The following GLDC variants were observed in gnomAD, a reference collection of about 807,000 sequenced individuals.
GLDC encodes glycine dehydrogenase (decarboxylating), mitochondrial.
In GLDC, 104 loss-of-function variants were observed where a neutral mutation model predicts 121.3. The ratio of observed to expected loss-of-function variants is 0.86; its 90% confidence interval spans 0.73 to 1.01. The LOEUF is 1.01. Ranked by LOEUF, GLDC falls within the 50% of genes least tolerant of loss-of-function variation. The probability of loss-of-function intolerance (pLI) is 0.00; values close to 1 mark genes in which losing one functional copy is unlikely to be tolerated. For synonymous variants in GLDC, 546 were observed against 480.6 expected, an observed-to-expected ratio of 1.14 and a Z score of -1.78; for missense variants, 1,429 against 1,306.6, an observed-to-expected ratio of 1.09 and a Z score of -1.44.
chr9:6,597,102 A>G (rs1818506796), intron 8 of GLDC, among the ~76,000 whole-genome samples: 1 of 152,234 alleles, frequency 6.6e-6, no homozygotes, highest in Admixed American at 6.5e-5. Context: ...ACCTTATGCA[A>G]AGAAGCCAGG....
chr9:6,559,364 A>G (rs1181765849), intron 16 of GLDC, among the ~76,000 whole-genome samples: 1 of 151,628 alleles, frequency 6.6e-6, no homozygotes, highest in Non-Finnish European at 1.5e-5. Context: ...AAAATACAAA[A>G]AATAGCTGGG....
intron 15 of GLDC, 157 bp from the exon 16 acceptor site, chr9:6,565,586 C>G (rs375066860): frequency 1.4e-5 from 10 of 713,164 alleles, no homozygotes; most frequent in African/African-American, 3.5e-5. Context: ...CTGCTGGAGT[C>G]AAAAGGTCTT....
chr9:6,577,674 T>C (rs1340163637), intron 15 of GLDC, among the ~76,000 whole-genome samples: 1 of 152,174 alleles, frequency 6.6e-6, no homozygotes, highest in African/African-American at 2.4e-5. Flanking sequence ...CATCCTTTCA[T>C]ACATCTTTCC....
intron 6 of GLDC, 59 bp from the exon 7 acceptor site, chr9:6,604,843 A>G: frequency 7.4e-7 from 1 of 1,354,678 alleles, no homozygotes; most frequent in Non-Finnish European, 1.1e-6. Flanking sequence ...GAGTAGTGGG[A>G]GAGTAGGAAA....
At chr9:6,544,472 C>T (rs547879449) in intron 21 of GLDC, among the ~76,000 whole-genome samples, 1 of 152,152 alleles carries the variant, frequency 6.6e-6, no homozygotes, top group East Asian at 1.9e-4. Context: ...GGCGAAACCT[C>T]GTCTATACTG....
rs141827893 is a variant in GLDC, at chr9:6,596,814, C to A, written c.1156-1695G>T. On this transcript the variant is annotated intron_variant, in intron 8 of 24. Coordinates refer to ENST00000321612, the MANE Select transcript of GLDC (RefSeq NM_000170.3). ...GTAGGAAAGTAAAATAATGCAGCCA[C>A]TTTGAAAAATGTCTGGAAGTTCCTC... Among the ~76,000 whole-genome samples, 110 of 152,256 alleles carry A rather than the reference C, an allele frequency of 7.2e-4. 5 individuals are homozygous for A. The East Asian group carries it at 0.021, about 29-fold the overall frequency.
At chr9:6,554,846 C>A in intron 18 of GLDC, 65 bp from the exon 19 acceptor site, 1 of 1,179,140 alleles carries the variant, frequency 8.5e-7, no homozygotes, top group Non-Finnish European at 1.2e-6. Flanking sequence ...AGTGTGAAGG[C>A]CATGGCTGGC....
chr9:6,585,502 A>C (rs1818250751), intron 15 of GLDC, among the ~76,000 whole-genome samples: 1 of 152,236 alleles, frequency 6.6e-6, no homozygotes, highest in South Asian at 2.1e-4. Context: ...TGAGACTTTA[A>C]GACGCAATTG....
intron 2 of GLDC, among the ~76,000 whole-genome samples, chr9:6,624,857 A>G (rs1819198445): frequency 6.6e-6 from 1 of 152,020 alleles, no homozygotes; most frequent in African/African-American, 2.4e-5. Context: ...GCCTGGTGGC[A>G]TGTGCCTGTA....
rs1817224485 is a variant in GLDC, at chr9:6,540,141, C to A, written c.2575G>T (p.Val859Leu). ...GTGTCCAAAATAAATTCATGACCCACATAACCTGTTCAGGAAAGTTGTTTC... is the reference window on the plus strand; with the variant it reads ...GTGTCCAAAATAAATTCATGACCCAAATAACCTGTTCAGGAAAGTTGTTTC... ...RILFRGARGY[V>L]GHEFILDTRP... The change falls in exon 22 of 25, where the codon GTG (valine) becomes TTG (leucine). Residue 859 changes from valine to leucine, a missense_variant. Transcript: ENST00000321612. 1 of 1,605,946 alleles carries A rather than the reference C, an allele frequency of 6.2e-7. No individual in the cohort carries two copies. The highest frequency in any genetic ancestry group is 8.5e-7 in the Non-Finnish European group (1 of 1,172,516).
In GLDC at chr9:6,611,830, A is replaced by G. The variant is rs181942821; in HGVS notation, c.471-1474T>C. Among the ~76,000 whole-genome samples, 80 of 152,264 alleles carry G rather than the reference A, an allele frequency of 5.3e-4. 1 individual carries two copies. Among genetic ancestry groups the G allele is most frequent in the Admixed American group, 2.7e-3 (42 of 15,288 alleles). ...CAGATGGACTAGATTGTATGTGTGTATTCCTGCATGTGTATGTGTTTCTAC... is the reference window on the plus strand; with the variant it reads ...CAGATGGACTAGATTGTATGTGTGTGTTCCTGCATGTGTATGTGTTTCTAC... On this transcript the variant is annotated intron_variant, in intron 3 of 24. Coordinates refer to ENST00000321612, the MANE Select transcript of GLDC (RefSeq NM_000170.3).
chr9:6,596,470 G>A (rs1383630272), intron 8 of GLDC, among the ~76,000 whole-genome samples: 2 of 152,230 alleles, frequency 1.3e-5, no homozygotes, highest in African/African-American at 4.8e-5. Context: ...GCTTGAATCA[G>A]TGGCTCACGC....
chr9:6,593,145 A>C (rs1344362901), intron 9 of GLDC, 155 bp from the exon 10 acceptor site: 2 of 706,282 alleles, frequency 2.8e-6, no homozygotes, highest in African/African-American at 3.6e-5. Flanking sequence ...AAACATGTTT[A>C]TTATCATGCT....
chr9:6,569,679 T>C (rs1009867961), intron 15 of GLDC, among the ~76,000 whole-genome samples: 2 of 148,890 alleles, frequency 1.3e-5, no homozygotes, highest in African/African-American at 5.0e-5. Flanking sequence ...AAGAAATGGA[T>C]GTTGCAGACC....
At chr9:6,633,922 C>T (rs7853194) in intron 2 of GLDC, among the ~76,000 whole-genome samples, 1 of 145,644 alleles carries the variant, frequency 6.9e-6, no homozygotes, top group South Asian at 2.2e-4. Flanking sequence ...CTGTGCCTCC[C>T]GGGTTCACGC....
intron 2 of GLDC, among the ~76,000 whole-genome samples, chr9:6,629,929 C>CTATATATATATATGTATA (rs60994714): frequency 7.8e-5 from 8 of 102,148 alleles, no homozygotes; most frequent in South Asian, 6.3e-4. Context: ...TTGCTTTTCA[C>CTATATATATATATGTATA]TATATATATA....
intron 15 of GLDC, among the ~76,000 whole-genome samples, chr9:6,579,406 T>C (rs560140482): frequency 5.3e-5 from 8 of 152,362 alleles, no homozygotes; most frequent in Non-Finnish European, 8.8e-5. Flanking sequence ...CCTTAACTTT[T>C]CCCTCACAGC....
At chr9:6,548,150 A>C (rs940757960) in intron 21 of GLDC, among the ~76,000 whole-genome samples, 1 of 152,220 alleles carries the variant, frequency 6.6e-6, no homozygotes, top group African/African-American at 2.4e-5. Flanking sequence ...TAGTATGATC[A>C]ATTGTACAAA....
chr9:6,627,645 G>A (rs1006101955), intron 2 of GLDC, among the ~76,000 whole-genome samples: 1 of 152,070 alleles, frequency 6.6e-6, no homozygotes, highest in African/African-American at 2.4e-5. Flanking sequence ...CCCTAGTCAC[G>A]CTTCTTTCCA....
Sources: allele counts gnomAD v4.1 joint callset (sites outside exome capture counted in the v4.1 genomes callset), GRCh38; gene constraint gnomAD v4.1.1; transcripts MANE v1.5; gene names NCBI Gene and HGNC (gene_info 2026-07-23, HGNC 2026-07-21).